Variants in NXPH2 observed in about 807,000 individuals in gnomAD.
NXPH2 encodes the protein neurexophilin 2.
A neutral mutation model predicts 19.8 loss-of-function variants in NXPH2; 5 were observed. The ratio of observed to expected loss-of-function variants is 0.25; its 90% confidence interval spans 0.13 to 0.53. NXPH2 has a LOEUF of 0.53. NXPH2 is among the 20% of genes least tolerant of loss of function. The pLI is 0.96. For synonymous variants in NXPH2, 154 were observed against 127.4 expected, an observed-to-expected ratio of 1.21 and a Z score of -1.41; for missense variants, 289 against 322.8, an observed-to-expected ratio of 0.90 and a Z score of 0.80.
At chr2:138,769,195 T>C (rs137982249) in intron 1 of NXPH2, among the ~76,000 whole-genome samples, 130 of 152,316 alleles carry the variant, frequency 8.5e-4, no homozygotes, top group African/African-American at 3.0e-3. Context: ...AAGGCTCATG[T>C]TGGAATAAGA....
At position 138,686,490 on chromosome 2, in the gene NXPH2, G is replaced by T. The variant is rs548666708; in HGVS notation, c.52-14825C>A. Among the ~76,000 whole-genome samples the T allele has an allele frequency of 8.3e-4, 127 of 152,140 alleles. 1 individual carries two copies. Among genetic ancestry groups the T allele is most frequent in the African/African-American group, 2.5e-3 (105 of 41,516 alleles). On this transcript the variant is annotated intron_variant, in intron 1 of 1. Coordinates refer to ENST00000272641, the MANE Select transcript of NXPH2 (RefSeq NM_007226.3). ...TCTTTTTTTTTGTCTTTCAAAAAAA[G>T]CTACTTTATTGAGGTATGATTGATG...
chr2:138,716,801 A>G (rs1436750398), intron 1 of NXPH2, among the ~76,000 whole-genome samples: 1 of 152,130 alleles, frequency 6.6e-6, no homozygotes, highest in African/African-American at 2.4e-5. Flanking sequence ...TCTAGTTCCC[A>G]CCCTGGAATA....
At position 138,780,278 on chromosome 2, in the gene NXPH2, C is replaced by A; in HGVS notation, c.-37G>T. 1.4e-6 allele frequency: 2 copies of A among 1,399,918 alleles called. No homozygotes were observed. The highest frequency in any genetic ancestry group is 3.0e-5 in the East Asian group (1 of 33,348). 86.7% of individuals were successfully genotyped at this position (1,399,918 alleles called of 1,614,324 possible). On this transcript the variant is annotated 5_prime_UTR_variant, in exon 1 of 2. Transcript: ENST00000272641. The stretch of plus-strand genomic sequence containing the variant: ...GCGCGGCTTTTCACGAGCTGCGCGC[C>A]CTCGCCTGCCTCTCGCGCATCTCCA...
At chr2:138,684,849 C>A (rs1028204075) in intron 1 of NXPH2, among the ~76,000 whole-genome samples, 1 of 152,122 alleles carries the variant, frequency 6.6e-6, no homozygotes, top group Non-Finnish European at 1.5e-5. Flanking sequence ...CTTCTCTGTC[C>A]CTATCAGTCC....
chr2:138,746,378 C>T (rs1681733952), intron 1 of NXPH2, among the ~76,000 whole-genome samples: 2 of 152,182 alleles, frequency 1.3e-5, no homozygotes, highest in African/African-American at 4.8e-5. Context: ...CACCTGGGGA[C>T]ATGACTGAAA....
intron 1 of NXPH2, among the ~76,000 whole-genome samples, chr2:138,684,304 C>G (rs574289191): frequency 3.3e-5 from 5 of 151,840 alleles, no homozygotes; most frequent in Admixed American, 3.3e-4. Context: ...CAAAAACAAA[C>G]AAAACAAAAC....
intron 1 of NXPH2, among the ~76,000 whole-genome samples, chr2:138,717,225 T>C (rs777404471): frequency 8.5e-5 from 13 of 152,130 alleles, no homozygotes; most frequent in Admixed American, 1.3e-4. Context: ...ATGTACATAA[T>C]CATACACCTA....
chr2:138,711,610 A>G (rs867433538), intron 1 of NXPH2, among the ~76,000 whole-genome samples: 35 of 151,794 alleles, frequency 2.3e-4, no homozygotes, highest in African/African-American at 8.0e-4. Context: ...TTTTACTCAA[A>G]CCTATCAATT....
chr2:138,710,993 C>T (rs757875251), intron 1 of NXPH2, among the ~76,000 whole-genome samples: 24 of 152,004 alleles, frequency 1.6e-4, no homozygotes, highest in African/African-American at 2.7e-4. Context: ...TTCCTGGAGC[C>T]GGATCCCACT....
chr2:138,759,937 G>T (rs970748934), intron 1 of NXPH2, among the ~76,000 whole-genome samples: 3 of 151,940 alleles, frequency 2.0e-5, no homozygotes, highest in African/African-American at 7.3e-5. Context: ...CACCATGTTA[G>T]CCAGGATGGA....
chr2:138,747,547 T>C (rs948501000), intron 1 of NXPH2, among the ~76,000 whole-genome samples: 1 of 152,172 alleles, frequency 6.6e-6, no homozygotes, highest in African/African-American at 2.4e-5. Flanking sequence ...TGGATATCTC[T>C]AGAAAATGGC....
chr2:138,750,950 A>G (rs926580850), intron 1 of NXPH2, among the ~76,000 whole-genome samples: 11 of 151,958 alleles, frequency 7.2e-5, no homozygotes, highest in African/African-American at 2.7e-4. Context: ...GCTCAGATCA[A>G]ATGCCAAGTC....
chr2:138,708,145 G>A (rs1300383656), intron 1 of NXPH2, among the ~76,000 whole-genome samples: 1 of 152,146 alleles, frequency 6.6e-6, no homozygotes, highest in African/African-American at 2.4e-5. Context: ...TAATAAATGT[G>A]TTTAAATCAC....
intron 1 of NXPH2, among the ~76,000 whole-genome samples, chr2:138,705,096 G>C (rs1680987780): frequency 6.6e-6 from 1 of 151,916 alleles, no homozygotes; most frequent in Admixed American, 6.6e-5. Context: ...CAAAGTGTTG[G>C]GATAACAGGC....
At chr2:138,779,765 G>A (rs1225510725) in intron 1 of NXPH2, among the ~76,000 whole-genome samples, 1 of 152,178 alleles carries the variant, frequency 6.6e-6, no homozygotes, top group East Asian at 1.9e-4. Context: ...AGAAGTGTCT[G>A]TGTGCATCTG....
chr2:138,700,674 G>A (rs1680907189), intron 1 of NXPH2, among the ~76,000 whole-genome samples: 2 of 151,934 alleles, frequency 1.3e-5, no homozygotes, highest in Non-Finnish European at 2.9e-5. Context: ...CATAAAAATG[G>A]GAATGTCCAA....
At chr2:138,776,873 G>A (rs181600194) in intron 1 of NXPH2, among the ~76,000 whole-genome samples, 1,581 of 151,914 alleles carry the variant, frequency 0.01, 10 homozygotes, top group Non-Finnish European at 0.017. Flanking sequence ...CTAAAAAGAT[G>A]AACTTAAAAT....
rs1284720779 is a variant in NXPH2, at chr2:138,671,512, C to T, written c.205G>A (p.Gly69Ser). ...FVKQSPVPKP[G>S]PMAYADSMEN... ...ATGCTGTCTGCGTACGCCATGGGGC[C>T]GGGCTTGGGCACCGGAGACTGTTTA... The change falls in exon 2 of 2, where the codon GGC becomes AGC. Residue 69 changes from glycine (G) to serine (S), a missense_variant. Transcript: ENST00000272641. 1.2e-6 allele frequency: 2 copies of T among 1,613,978 alleles called. No homozygotes were observed. Among genetic ancestry groups the T allele is most frequent in the Admixed American group, 1.7e-5 (1 of 60,010 alleles).
At chr2:138,779,236 A>G (rs1682312003) in intron 1 of NXPH2, among the ~76,000 whole-genome samples, 3 of 152,214 alleles carry the variant, frequency 2.0e-5, no homozygotes, top group African/African-American at 7.2e-5. Flanking sequence ...CTAACAAGGC[A>G]AGAGCTAAGT....
Sources: gnomAD v4.1 joint callset for allele counts (sites outside exome capture counted in the v4.1 genomes callset) on GRCh38, gnomAD v4.1.1 for gene constraint, MANE v1.5 for transcripts, NCBI Gene and HGNC (gene_info 2026-07-23, HGNC 2026-07-21) for gene names.